The following POP1 variants were observed in gnomAD, a reference collection of about 807,000 sequenced individuals.
POP1 encodes ribonucleases P/MRP protein subunit POP1.
POP1 carries 75 observed loss-of-function variants against 102.2 expected under a neutral mutation model. That is an observed-to-expected ratio of 0.73 (90% CI 0.61 to 0.89). The LOEUF (loss-of-function observed/expected upper bound fraction) is 0.89. Ranked by LOEUF, POP1 falls within the 40% of genes least tolerant of loss-of-function variation. POP1 has a pLI of 0.00. For missense variants in POP1, 1,116 were observed against 1,267.4 expected, an observed-to-expected ratio of 0.88 and a Z score of 1.81; for synonymous variants, 436 against 464.1, an observed-to-expected ratio of 0.94 and a Z score of 0.78.
At position 98,148,833 on chromosome 8, in the gene POP1, A is replaced by G; in HGVS notation, c.1729A>G (p.Ser577Gly). 1 of 1,613,286 alleles carries G rather than the reference A, an allele frequency of 6.2e-7. No homozygotes were observed. The highest frequency in any genetic ancestry group is 2.2e-5 in the East Asian group (1 of 44,884). The change falls in exon 13 of 16, where the codon AGT (serine) becomes GGT (glycine). Residue 577 changes from serine (S) to glycine (G), a missense_variant. Coordinates refer to ENST00000401707, the MANE Select transcript of POP1 (RefSeq NM_001145860.2). ...ISDQDLNRMR[S>G]ELLVPGSQLI... is the part of the protein sequence containing the mutation. ...ACTTTAGGATTTAAACCGGATGAGG[A>G]GTGAATTGCTGGTGCCTGGGTCACA...
At chr8:98,132,487 A>G (rs1223962814) in intron 5 of POP1, among the ~76,000 whole-genome samples, 1 of 152,220 alleles carries the variant, frequency 6.6e-6, no homozygotes, top group South Asian at 2.1e-4. Flanking sequence ...ATGCGTTGTC[A>G]GAATCATAGC....
In POP1 at chr8:98,157,647, C is replaced by G; in HGVS notation, c.2451C>G (p.Ala817=). The change falls in exon 16 of 16, where the codon GCC becomes GCG. Residue 817 remains alanine, a synonymous_variant. Coordinates refer to ENST00000401707, the MANE Select transcript of POP1 (RefSeq NM_001145860.2). ...RSRKLLKQLS[A]WCGPSSEDSR... ...GAAAATTACTGAAGCAACTGTCAGC[C>G]TGGTGTGGGCCCAGTTCTGAGGATA... 1 of 1,614,204 alleles carries G rather than the reference C, an allele frequency of 6.2e-7. No individual in the cohort carries two copies. Among genetic ancestry groups the G allele is most frequent in the South Asian group, 1.1e-5 (1 of 91,084 alleles).
In POP1 at chr8:98,130,207, C is replaced by A; in HGVS notation, c.716C>A (p.Thr239Lys). The A allele has an allele frequency of 6.2e-7, 1 of 1,614,166 alleles. No homozygotes were observed. Among genetic ancestry groups the A allele is most frequent in the Admixed American group, 1.7e-5 (1 of 60,014 alleles). Reference protein sequence around the residue: ...KSHRACYRAMTNRCLLQDLSY... With the variant: ...KSHRACYRAMKNRCLLQDLSY... ...CACAGAGCCTGCTATCGAGCCATGA[C>A]GAACCGGTGCCTCCTGCAGGTGAGC... Residue 239 changes from threonine (T) to lysine (K), a missense_variant, in exon 5 of 16, where the codon ACG becomes AAG. By Grantham distance (78) the Thr-to-Lys change is moderately conservative. Coordinates refer to ENST00000401707, the MANE Select transcript of POP1 (RefSeq NM_001145860.2).
At chr8:98,155,856 T>A (rs62522210) in intron 14 of POP1, 194 bp from the exon 15 acceptor site, 15,483 of 619,768 alleles carry the variant, frequency 0.025, 355 homozygotes, top group Non-Finnish European at 0.036. Flanking sequence ...ATTACAGGCA[T>A]GAGCCACTGA....
At chr8:98,138,929 T>C (rs1816629404) in intron 9 of POP1, among the ~76,000 whole-genome samples, 1 of 149,596 alleles carries the variant, frequency 6.7e-6, no homozygotes, top group Non-Finnish European at 1.5e-5. Context: ...CTCAGCTCAC[T>C]GCAACCTCCA....
At position 98,136,659 on chromosome 8, in the gene POP1, A is replaced by T. The variant is rs765084001; in HGVS notation, c.1189A>T (p.Lys397Ter). The change falls in exon 8 of 16, where the codon AAA (lysine) becomes TAA (stop). Residue 397 changes from lysine (K) to a stop codon, truncating the protein, a stop_gained. Transcript: ENST00000401707. LOFTEE classifies it high-confidence loss of function. ...KDDGENAKPI[K>*]KIIGDGTRDP... ...TGATGGAGAAAATGCTAAACCAATT[A>T]AAAAAATTATCGGTGATGGAACTAG... The T allele has an allele frequency of 3.7e-6, 6 of 1,612,912 alleles. No individual in the cohort carries two copies. Among genetic ancestry groups the T allele is most frequent in the African/African-American group, 1.3e-5 (1 of 74,870 alleles).
At position 98,126,192 on chromosome 8, in the gene POP1, A is replaced by G. The variant is rs577369945; in HGVS notation, c.143-1403A>G. Among the ~76,000 whole-genome samples the G allele has an allele frequency of 1.1e-4, 16 of 152,152 alleles. No individual in the cohort carries two copies. The East Asian group carries it at 2.3e-3, about 22-fold the overall frequency. On this transcript the variant is annotated intron_variant, in intron 2 of 15. Coordinates refer to ENST00000401707, the MANE Select transcript of POP1 (RefSeq NM_001145860.2). ...TATTTATTTAGTATAGTGGCTCTCAATTTGAGTGTGGCAGAGAGTTAGGAT... is the reference window on the plus strand; with the variant it reads ...TATTTATTTAGTATAGTGGCTCTCAGTTTGAGTGTGGCAGAGAGTTAGGAT...
At chr8:98,150,968 TTG>T (rs1200529457) in intron 14 of POP1, among the ~76,000 whole-genome samples, 2 of 152,238 alleles carry the variant, frequency 1.3e-5, no homozygotes, top group Non-Finnish European at 2.9e-5. Flanking sequence ...AAAATGGAAA[TTG>T]TGTTTTTAAA....
chr8:98,144,361 G>T (rs1233018434), intron 11 of POP1, among the ~76,000 whole-genome samples: 1 of 151,868 alleles, frequency 6.6e-6, no homozygotes, highest in East Asian at 1.9e-4. Context: ...CTGCAGCCTT[G>T]AACTCCCGGG....
chr8:98,122,838 AG>A (rs1278434033), intron 1 of POP1, among the ~76,000 whole-genome samples: 14 of 152,198 alleles, frequency 9.2e-5, no homozygotes, highest in African/African-American at 3.4e-4. Context: ...GTTGAGTTTG[AG>A]AGTTGGGAAC....
At chr8:98,146,753 T>C in intron 12 of POP1, 70 bp downstream of exon 12, 1 of 1,181,394 alleles carries the variant, frequency 8.5e-7, no homozygotes, top group East Asian at 2.4e-5. Flanking sequence ...CTAGAGACCA[T>C]AAAAAGTTAT....
At chr8:98,139,553 T>C (rs1816647194) in intron 9 of POP1, among the ~76,000 whole-genome samples, 1 of 151,912 alleles carries the variant, frequency 6.6e-6, no homozygotes, top group African/African-American at 2.4e-5. Context: ...AGACCATATA[T>C]CTACAAAAAA....
chr8:98,118,910 CA>C (rs1395948898), intron 1 of POP1, among the ~76,000 whole-genome samples: 1 of 151,314 alleles, frequency 6.6e-6, no homozygotes, highest in African/African-American at 2.4e-5. Flanking sequence ...AATCTCAGCA[CA>C]ATCACAAGCT....
In POP1 at chr8:98,156,261, G is replaced by A. The variant is rs750208983; in HGVS notation, c.2269G>A (p.Asp757Asn). The change falls in exon 15 of 16, where the codon GAT becomes AAT. Residue 757 changes from aspartate to asparagine, a missense_variant. Coordinates refer to ENST00000401707, the MANE Select transcript of POP1 (RefSeq NM_001145860.2). ...PMPKKTHQPS[D>N]EVGTSIEHPR... ...GCCTAAAAAAACTCATCAGCCATCT[G>A]ATGAAGTGGGCACATCCATAGAGCA... 1 of 1,614,144 alleles carries A rather than the reference G, an allele frequency of 6.2e-7. No individual in the cohort carries two copies. The highest frequency in any genetic ancestry group is 1.1e-5 in the South Asian group (1 of 91,076).
intron 1 of POP1, among the ~76,000 whole-genome samples, chr8:98,120,822 A>AT (rs1474232282): frequency 6.6e-6 from 1 of 151,928 alleles, no homozygotes; most frequent in African/African-American, 2.4e-5. Flanking sequence ...AATTTTTTGT[A>AT]TTTTTAGTAG....
chr8:98,126,964 G>C (rs1382124524), intron 2 of POP1, among the ~76,000 whole-genome samples: 1 of 152,028 alleles, frequency 6.6e-6, no homozygotes, highest in Non-Finnish European at 1.5e-5. Flanking sequence ...TATCTTACTG[G>C]GTAGCTTATA....
chr8:98,139,806 AG>A (rs1255430579), intron 9 of POP1, among the ~76,000 whole-genome samples: 1 of 152,188 alleles, frequency 6.6e-6, no homozygotes, highest in African/African-American at 2.4e-5. Context: ...GAAGTATCTT[AG>A]TGAGTTAGTC....
intron 7 of POP1, 141 bp downstream of exon 7, chr8:98,134,800 G>A: frequency 3.3e-6 from 3 of 918,224 alleles, no homozygotes; most frequent in African/African-American, 1.7e-5. Context: ...TATGATTATT[G>A]AATGAAGTGA....
intron 7 of POP1, among the ~76,000 whole-genome samples, chr8:98,135,707 AT>A (rs923045302): frequency 6.2e-4 from 58 of 93,774 alleles, no homozygotes; most frequent in South Asian, 2.7e-3. Context: ...ATTAAAAAAA[AT>A]TTTTTTTTCC....
Sources: gnomAD v4.1 joint callset for allele counts (sites outside exome capture counted in the v4.1 genomes callset) on GRCh38, gnomAD v4.1.1 for gene constraint, MANE v1.5 for transcripts, NCBI Gene and HGNC (gene_info 2026-07-23, HGNC 2026-07-21) for gene names.